CACNA2D1: variants seen among roughly 807,000 people sequenced by gnomAD.
CACNA2D1 encodes calcium voltage-gated channel auxiliary subunit alpha2delta 1, also known as voltage-dependent calcium channel subunit alpha-2/delta-1.
CACNA2D1 carries 53 observed loss-of-function variants against 171.5 expected under a neutral mutation model. That is an observed-to-expected ratio of 0.31 (90% CI 0.25 to 0.39). CACNA2D1 has a LOEUF of 0.39. Among genes scored for constraint, CACNA2D1 ranks in the 10% least tolerant of loss-of-function variants. The pLI is 1.00. For missense variants in CACNA2D1, 903 were observed against 1,299.8 expected (o/e 0.69, Z 4.69); for synonymous variants, 442 against 443.1 (o/e 1.00, Z 0.03).
intron 3 of CACNA2D1, among the ~76,000 whole-genome samples, chr7:82,264,059 A>G (rs1807491179): frequency 6.6e-6 from 1 of 152,218 alleles, no homozygotes; most frequent in South Asian, 2.1e-4. Flanking sequence ...ATCTTTAAAA[A>G]GGATGTTTAT....
chr7:82,064,169 G>GA (rs1412501913), intron 9 of CACNA2D1, 135 bp downstream of exon 9: 21 of 545,630 alleles, frequency 3.8e-5, no homozygotes, highest in African/African-American at 3.6e-4. Flanking sequence ...TTCATTGCCT[G>GA]AATATAAAAG....
intron 5 of CACNA2D1, among the ~76,000 whole-genome samples, chr7:82,121,421 G>A (rs1333030244): frequency 6.6e-6 from 1 of 152,150 alleles, no homozygotes; most frequent in Non-Finnish European, 1.5e-5. Context: ...AGAATTGCAG[G>A]TGATGATGCC....
intron 4 of CACNA2D1, among the ~76,000 whole-genome samples, chr7:82,137,383 T>A (rs1791746672): frequency 6.6e-6 from 1 of 152,122 alleles, no homozygotes; most frequent in Non-Finnish European, 1.5e-5. Flanking sequence ...CTGTCAGGAA[T>A]TTAAAACTCC....
chr7:81,970,891 A>C (rs1584235031), intron 26 of CACNA2D1, 154 bp from the exon 27 acceptor site: 1 of 615,336 alleles, frequency 1.6e-6, no homozygotes. Flanking sequence ...ATATCTATTA[A>C]ATTTGTACTT....
intron 1 of CACNA2D1, among the ~76,000 whole-genome samples, chr7:82,386,429 C>T (rs1043422606): frequency 1.3e-5 from 2 of 152,110 alleles, no homozygotes; most frequent in Non-Finnish European, 2.9e-5. Flanking sequence ...TCATAGCCTT[C>T]TAGAGCCAAA....
rs1174278503 is a variant in CACNA2D1, at chr7:82,137,707, TA to T, written c.355-1032del. ...TAATACAGTGAAACTCCGTCTCTAC[TA>T]AAAAAAAAAAAAAAAAAAAAAATTA... On this transcript the variant is annotated intron_variant, in intron 4 of 38. Transcript: ENST00000356860. Among the ~76,000 whole-genome samples the T allele has an allele frequency of 1.0e-3, 81 of 78,828 alleles. 4 individuals carry two copies. The highest frequency in any genetic ancestry group is 6.5e-3 in the East Asian group (16 of 2,474). The allele number at this position is 78,828 out of a possible 152,430, so 51.7% of individuals were successfully genotyped here. A position where few individuals can be genotyped will look rare whatever the true frequency, so the allele number is the denominator to read the frequency against.
chr7:82,266,846 AC>A (rs1807927166), intron 3 of CACNA2D1, among the ~76,000 whole-genome samples: 1 of 152,088 alleles, frequency 6.6e-6, no homozygotes, highest in Non-Finnish European at 1.5e-5. Flanking sequence ...AATGTGTTTG[AC>A]CTTTTCCTAT....
At chr7:82,020,521 G>A (rs956734695) in intron 12 of CACNA2D1, among the ~76,000 whole-genome samples, 10 of 152,070 alleles carry the variant, frequency 6.6e-5, no homozygotes, top group African/African-American at 1.9e-4. Flanking sequence ...TGTAAGCTCT[G>A]TAAGTATTAG....
chr7:82,227,097 A>T (rs1802444623), intron 3 of CACNA2D1, among the ~76,000 whole-genome samples: 2 of 152,232 alleles, frequency 1.3e-5, no homozygotes, highest in African/African-American at 4.8e-5. Flanking sequence ...TATAGAGATC[A>T]ATATAGAGCC....
chr7:81,963,939 C>T (rs1397039473), intron 34 of CACNA2D1, 117 bp downstream of exon 34: 3 of 808,576 alleles, frequency 3.7e-6, no homozygotes, highest in Non-Finnish European at 6.2e-6. Context: ...AGAATGAAAA[C>T]AACTTAACTC....
intron 6 of CACNA2D1, among the ~76,000 whole-genome samples, chr7:82,114,198 A>T (rs1056057392): frequency 2.0e-4 from 30 of 152,292 alleles, no homozygotes; most frequent in Non-Finnish European, 2.2e-4. Context: ...TTTTAAAAAA[A>T]TTTTTTAAAA....
chr7:82,085,463 C>T (rs998533927), intron 6 of CACNA2D1, among the ~76,000 whole-genome samples: 16 of 149,932 alleles, frequency 1.1e-4, no homozygotes, highest in African/African-American at 3.9e-4. Context: ...TTTAAGACCA[C>T]AGTAATCAAC....
intron 3 of CACNA2D1, among the ~76,000 whole-genome samples, chr7:82,288,751 G>A (rs956331313): frequency 6.6e-6 from 1 of 152,184 alleles, no homozygotes; most frequent in Admixed American, 6.5e-5. Context: ...GCTCCTATGA[G>A]CATGCTGGAT....
intron 5 of CACNA2D1, among the ~76,000 whole-genome samples, chr7:82,122,771 G>A (rs1472990680): frequency 1.3e-5 from 2 of 152,180 alleles, no homozygotes; most frequent in Non-Finnish European, 2.9e-5. Context: ...AAACCATGTA[G>A]TAGCATGCAT....
chr7:82,283,155 T>TA (rs535957888), intron 3 of CACNA2D1, among the ~76,000 whole-genome samples: 105 of 148,296 alleles, frequency 7.1e-4, no homozygotes, highest in Admixed American at 1.1e-3. Flanking sequence ...CTGCGGCTAT[T>TA]AAAAAAAAAA....
At chr7:82,088,007 C>A (rs1013264018) in intron 6 of CACNA2D1, among the ~76,000 whole-genome samples, 1 of 152,180 alleles carries the variant, frequency 6.6e-6, no homozygotes, top group Non-Finnish European at 1.5e-5. Flanking sequence ...TATCTCTCCC[C>A]AGGATGCCCC....
At chr7:81,953,038 C>T (rs920240932) in intron 38 of CACNA2D1, among the ~76,000 whole-genome samples, 1 of 152,010 alleles carries the variant, frequency 6.6e-6, no homozygotes, top group Non-Finnish European at 1.5e-5. Flanking sequence ...TATAGATGTG[C>T]ACCACCACAC....
At chr7:82,117,621 A>G (rs2129054339) in intron 5 of CACNA2D1, among the ~76,000 whole-genome samples, 1 of 152,278 alleles carries the variant, frequency 6.6e-6, no homozygotes, top group South Asian at 2.1e-4. Context: ...CCTTGTCTCT[A>G]TGACAAATAA....
At chr7:82,340,457 C>G (rs918739855) in intron 2 of CACNA2D1, among the ~76,000 whole-genome samples, 1 of 151,126 alleles carries the variant, frequency 6.6e-6, no homozygotes, top group Non-Finnish European at 1.5e-5. Flanking sequence ...AGGCGTGAGC[C>G]ACAGCACCCA....
Sources: gnomAD v4.1 joint callset for allele counts (sites outside exome capture counted in the v4.1 genomes callset) on GRCh38, gnomAD v4.1.1 for gene constraint, MANE v1.5 for transcripts, NCBI Gene and HGNC (gene_info 2026-07-23, HGNC 2026-07-21) for gene names.